Variants in SLC12A8 observed in about 807,000 individuals in gnomAD.
The protein encoded by SLC12A8 is cation-chloride cotransporter 9.
A neutral mutation model predicts 75.6 loss-of-function variants in SLC12A8; 69 were observed. The observed-to-expected ratio is 0.91, with a 90% CI of 0.75 to 1.11. SLC12A8 has a LOEUF of 1.11. Among genes scored for constraint, SLC12A8 ranks in the 50% most tolerant of loss-of-function variants. The pLI is 0.00. For missense variants in SLC12A8, 877 were observed against 896.7 expected (o/e 0.98, Z 0.28); for synonymous variants, 365 against 372.8 (o/e 0.98, Z 0.24).
At chr3:125,188,510 A>G (rs2107794998) in intron 3 of SLC12A8, among the ~76,000 whole-genome samples, 1 of 152,366 alleles carries the variant, frequency 6.6e-6, no homozygotes, top group East Asian at 1.9e-4. Context: ...GCGAATAAAC[A>G]AACCATGCAT....
At chr3:125,152,376 C>T (rs1035262085) in intron 5 of SLC12A8, among the ~76,000 whole-genome samples, 1 of 152,146 alleles carries the variant, frequency 6.6e-6, no homozygotes, top group Non-Finnish European at 1.5e-5. Flanking sequence ...GGTGCTCATT[C>T]GGTCATTACA....
intron 4 of SLC12A8, among the ~76,000 whole-genome samples, chr3:125,180,273 C>CCAAA (rs1392445777): frequency 6.6e-6 from 1 of 152,122 alleles, no homozygotes; most frequent in African/African-American, 2.4e-5. Flanking sequence ...ATATCTAAGG[C>CCAAA]CAAATCCTGG....
chr3:125,181,980 A>T (rs527881443), intron 4 of SLC12A8, among the ~76,000 whole-genome samples: 1 of 152,296 alleles, frequency 6.6e-6, no homozygotes, highest in Non-Finnish European at 1.5e-5. Context: ...TGAGTCCAGG[A>T]GTTCAAGACC....
At chr3:125,120,141 G>C (rs773276539) in intron 7 of SLC12A8, among the ~76,000 whole-genome samples, 3 of 152,310 alleles carry the variant, frequency 2.0e-5, no homozygotes, top group African/African-American at 4.8e-5. Context: ...AAAGGAAATG[G>C]AGGCTCAGAG....
chr3:125,176,411 A>C (rs967597819), intron 5 of SLC12A8, among the ~76,000 whole-genome samples: 3 of 152,212 alleles, frequency 2.0e-5, no homozygotes, highest in Admixed American at 6.5e-5. Context: ...ACACATAGGC[A>C]TGGGCAAGGA....
At chr3:125,087,405 A>T (rs1938488165) in intron 13 of SLC12A8, among the ~76,000 whole-genome samples, 1 of 152,074 alleles carries the variant, frequency 6.6e-6, no homozygotes, top group African/African-American at 2.4e-5. Context: ...ATTTTACCAT[A>T]ATTTTTAAAA....
chr3:125,186,451 T>TG (rs1934785173), intron 4 of SLC12A8, among the ~76,000 whole-genome samples: 1 of 152,234 alleles, frequency 6.6e-6, no homozygotes, highest in African/African-American at 2.4e-5. Context: ...ATGCTTTCTC[T>TG]GGGGAGATTC....
chr3:125,104,825 T>G (rs1938985190), intron 10 of SLC12A8, among the ~76,000 whole-genome samples: 1 of 152,136 alleles, frequency 6.6e-6, no homozygotes, highest in South Asian at 2.1e-4. Context: ...TTGCCCTTTT[T>G]CCCTCCCCTT....
chr3:125,186,293 G>T (rs996420657), intron 4 of SLC12A8, among the ~76,000 whole-genome samples: 6 of 152,094 alleles, frequency 3.9e-5, no homozygotes, highest in African/African-American at 1.4e-4. Context: ...GAGGCCATCT[G>T]TTTGCCTTTC....
At chr3:125,087,521 A>T (rs983224158) in intron 13 of SLC12A8, among the ~76,000 whole-genome samples, 48 of 152,344 alleles carry the variant, frequency 3.2e-4, no homozygotes, top group African/African-American at 1.2e-3. Flanking sequence ...TAGCAAGTAC[A>T]ACCCGGACAT....
intron 3 of SLC12A8, 101 bp downstream of exon 3, chr3:125,190,274 G>T: frequency 7.7e-7 from 1 of 1,298,426 alleles, no homozygotes; most frequent in Non-Finnish European, 1.1e-6. Flanking sequence ...AGGAGCATCT[G>T]TGCTTCAGGA....
At chr3:125,196,203 G>A (rs868789856) in intron 2 of SLC12A8, among the ~76,000 whole-genome samples, 4 of 152,086 alleles carry the variant, frequency 2.6e-5, no homozygotes, top group Non-Finnish European at 4.4e-5. Context: ...AATCTAAATA[G>A]AATGCAAAGA....
At chr3:125,147,168 A>G (rs897442663) in intron 5 of SLC12A8, among the ~76,000 whole-genome samples, 1 of 152,214 alleles carries the variant, frequency 6.6e-6, no homozygotes, top group African/African-American at 2.4e-5. Context: ...TCCTAGTCCT[A>G]GGGTCAACAC....
chr3:125,099,506 GCAGA>G (rs1211233682), intron 10 of SLC12A8, among the ~76,000 whole-genome samples: 1 of 152,060 alleles, frequency 6.6e-6, no homozygotes, highest in African/African-American at 2.4e-5. Flanking sequence ...GTTGTATTTA[GCAGA>G]CAAAGACTTC....
chr3:125,173,116 T>C (rs1934440644), intron 5 of SLC12A8, among the ~76,000 whole-genome samples: 1 of 150,754 alleles, frequency 6.6e-6, no homozygotes, highest in Non-Finnish European at 1.5e-5. Flanking sequence ...GAGATGGAGG[T>C]TGTAGTGAGC....
chr3:125,162,399 T>A (rs1210343620), intron 5 of SLC12A8, among the ~76,000 whole-genome samples: 1 of 152,144 alleles, frequency 6.6e-6, no homozygotes, highest in Non-Finnish European at 1.5e-5. Context: ...GAGCCCCCAG[T>A]GAAACCACCT....
intron 2 of SLC12A8, among the ~76,000 whole-genome samples, chr3:125,195,805 C>T (rs528582521): frequency 6.6e-6 from 1 of 152,228 alleles, no homozygotes; most frequent in African/African-American, 2.4e-5. Flanking sequence ...AATCTGATGT[C>T]GTCTGGCAAA....
Position 125,091,705 on chromosome 3 carries a change from C to A in SLC12A8, c.1804-149G>T, listed in dbSNP as rs1938586263. 2.8e-5 allele frequency: 17 copies of A among 603,900 alleles called. No homozygotes were observed. In the East Asian group the frequency reaches 4.7e-4, roughly 17 times the overall value. The allele number at this position is 603,900 out of a possible 1,614,324, so 37.4% of individuals were successfully genotyped here. On this transcript the variant is annotated intron_variant, in intron 11 of 13. Coordinates refer to ENST00000469902, the MANE Select transcript of SLC12A8 (RefSeq NM_024628.6). ...GAATAATTGAAGTTTATGAAGAATT[C>A]AAAAAACCTCACTTAAGCAGATATT...
intron 8 of SLC12A8, among the ~76,000 whole-genome samples, chr3:125,114,654 T>C (rs572652263): frequency 1.3e-5 from 2 of 152,270 alleles, no homozygotes; most frequent in Admixed American, 1.3e-4. Context: ...CTTGAACTCC[T>C]GACCTCAAGT....
Sources: gnomAD v4.1 joint callset for allele counts (sites outside exome capture counted in the v4.1 genomes callset) on GRCh38, gnomAD v4.1.1 for gene constraint, MANE v1.5 for transcripts, NCBI Gene and HGNC (gene_info 2026-07-23, HGNC 2026-07-21) for gene names.